TNS3: variants seen among roughly 807,000 people sequenced by gnomAD.
TNS3 encodes the protein tensin 3, also known as tensin-3.
In TNS3, 45 loss-of-function variants were observed where a neutral mutation model predicts 140.9. The ratio of observed to expected loss-of-function variants is 0.32; its 90% CI spans 0.25 to 0.41. The LOEUF is 0.41. Among genes scored for constraint, TNS3 ranks in the 10% least tolerant of loss-of-function variants. The pLI is 1.00. For synonymous variants in TNS3, 815 were observed against 788.4 expected, an observed-to-expected ratio of 1.03 and a Z score of -0.56; for missense variants, 1,716 against 1,906.7, an observed-to-expected ratio of 0.90 and a Z score of 1.86.
intron 20 of TNS3, among the ~76,000 whole-genome samples, chr7:47,318,294 T>C (rs1285125791): frequency 3.9e-5 from 6 of 152,240 alleles, no homozygotes; most frequent in Non-Finnish European, 7.3e-5. Flanking sequence ...AATATTCCAC[T>C]GCATGCATAG....
chr7:47,472,595 C>A (rs1797000865), intron 4 of TNS3, among the ~76,000 whole-genome samples: 1 of 152,198 alleles, frequency 6.6e-6, no homozygotes, highest in Admixed American at 6.5e-5. Flanking sequence ...TCCCTACACA[C>A]AGGCCTTATG....
chr7:47,469,849 G>A (rs4724582), intron 4 of TNS3, among the ~76,000 whole-genome samples: 71,560 of 151,394 alleles, frequency 0.47, 18,205 homozygotes, highest in East Asian at 0.67. Flanking sequence ...TGGCAGGTGC[G>A]TGTAATCCAA....
At chr7:47,381,083 T>C (rs1251573144) in intron 16 of TNS3, among the ~76,000 whole-genome samples, 6 of 152,178 alleles carry the variant, frequency 3.9e-5, no homozygotes, top group Admixed American at 2.6e-4. Context: ...GGCTGAAAGG[T>C]GGAGAAAGAA....
At chr7:47,459,339 C>T (rs973855234) in intron 4 of TNS3, among the ~76,000 whole-genome samples, 2 of 152,194 alleles carry the variant, frequency 1.3e-5, no homozygotes, top group Admixed American at 1.3e-4. Context: ...AGGAAACATA[C>T]AAAACATGAA....
At chr7:47,363,022 C>CT (rs1399770326) in intron 17 of TNS3, among the ~76,000 whole-genome samples, 4 of 34,580 alleles carry the variant, frequency 1.2e-4, no homozygotes, top group Non-Finnish European at 2.1e-4. Context: ...TCATCAGGGT[C>CT]ATCACCATCA....
In TNS3 at chr7:47,397,669, G is replaced by A. The variant is rs191161047; in HGVS notation, c.920-765C>T. Among the ~76,000 whole-genome samples the A allele has an allele frequency of 2.7e-3, 414 of 152,274 alleles. 9 individuals are homozygous for A. The highest frequency in any genetic ancestry group is 0.025 in the Admixed American group (384 of 15,296). The stretch of plus-strand genomic sequence containing the variant: ...AGTGACACAAGTTATCAAAACCTCT[G>A]GGATACAGCAAAGCAAGTGTTAAGA... On this transcript the variant is annotated intron_variant, in intron 15 of 30. Transcript: ENST00000311160.
intron 22 of TNS3, 36 bp from the exon 23 acceptor site, chr7:47,302,308 G>A (rs371206305): frequency 1.5e-5 from 23 of 1,550,210 alleles, no homozygotes; most frequent in Non-Finnish European, 1.9e-5. Context: ...GACCATGATG[G>A]GCACTTTTCT....
intron 17 of TNS3, among the ~76,000 whole-genome samples, chr7:47,357,379 C>G (rs1430285389): frequency 6.6e-6 from 1 of 152,120 alleles, no homozygotes; most frequent in African/African-American, 2.4e-5. Flanking sequence ...GACTTCAGCT[C>G]ATTCACACAC....
chr7:47,358,632 G>T (rs73109067), intron 17 of TNS3, among the ~76,000 whole-genome samples: 3 of 152,176 alleles, frequency 2.0e-5, no homozygotes, highest in African/African-American at 7.2e-5. Flanking sequence ...GTGCTCTCGG[G>T]AGTGTCGGCA....
chr7:47,554,099 C>T (rs1183985019), intron 1 of TNS3, among the ~76,000 whole-genome samples: 2 of 151,082 alleles, frequency 1.3e-5, no homozygotes, highest in Non-Finnish European at 3.0e-5. Context: ...GCCACTGTGC[C>T]TGGCCCTCAA....
chr7:47,375,349 T>C (rs1249193789), intron 16 of TNS3, among the ~76,000 whole-genome samples: 1 of 152,226 alleles, frequency 6.6e-6, no homozygotes, highest in Non-Finnish European at 1.5e-5. Context: ...TGGCAACGAT[T>C]TCCTGGTGGC....
In TNS3 at chr7:47,292,026, A is replaced by C; in HGVS notation, c.3857T>G (p.Leu1286Trp). ...GGGAGAACTTTCTGCTATTTCCTCC[A>C]ATGGATCTGTAGGAAGGGGCAAGAA... ...CKLLIPERDPLEEIAESSPQT... is the reference protein window; with the variant it reads ...CKLLIPERDPWEEIAESSPQT... Residue 1286 changes from leucine to tryptophan, a missense_variant, in exon 27 of 31, where the codon TTG (leucine) becomes TGG (tryptophan). Leu to Trp is a moderately conservative substitution (Grantham distance 61). Transcript: ENST00000311160. The C allele has an allele frequency of 6.2e-7, 1 of 1,614,100 alleles. No homozygotes were observed. The highest frequency in any genetic ancestry group is 8.5e-7 in the Non-Finnish European group (1 of 1,179,984).
At chr7:47,398,505 A>C (rs949979511) in intron 15 of TNS3, among the ~76,000 whole-genome samples, 2 of 152,200 alleles carry the variant, frequency 1.3e-5, no homozygotes, top group Non-Finnish European at 2.9e-5. Context: ...CCCAGGAAGC[A>C]GGGGTGATTT....
Position 47,506,955 on chromosome 7 carries a change from A to T in TNS3, c.-152-11T>A. On this transcript the variant is annotated splice_polypyrimidine_tract_variant and intron_variant, in intron 2 of 30. Transcript: ENST00000311160. ...AGGAATACTTGCAGGCTGGGAAAAA[A>T]AAAAAGAGAAAGAATGTGTGTCAAG... The T allele has an allele frequency of 1.6e-6, 2 of 1,288,616 alleles. No homozygotes were observed. The highest frequency in any genetic ancestry group is 2.0e-6 in the Non-Finnish European group (2 of 988,242). 79.8% of individuals were successfully genotyped at this position (1,288,616 alleles called of 1,614,324 possible).
chr7:47,441,991 A>G lies in TNS3; in HGVS notation c.-23+12T>C. ...AGAGACACAGGAATGCATGACCCAC[A>G]CAGACACTCACCGCAGAGGTTTATC... On this transcript the variant is annotated intron_variant, in intron 5 of 30. Transcript: ENST00000311160. 1.6e-6 allele frequency: 2 copies of G among 1,290,270 alleles called. No homozygotes were observed. The highest frequency in any genetic ancestry group is 2.0e-6 in the Non-Finnish European group (2 of 988,888). The allele number at this position is 1,290,270 out of a possible 1,614,324, so 79.9% of individuals were successfully genotyped here.
At chr7:47,359,055 C>T (rs1361904317) in intron 17 of TNS3, among the ~76,000 whole-genome samples, 1 of 152,172 alleles carries the variant, frequency 6.6e-6, no homozygotes, top group Non-Finnish European at 1.5e-5. Context: ...ACGCCCCAAA[C>T]AACTGAAAGC....
At chr7:47,358,015 C>T (rs1447641821) in intron 17 of TNS3, among the ~76,000 whole-genome samples, 1 of 152,192 alleles carries the variant, frequency 6.6e-6, no homozygotes, top group Non-Finnish European at 1.5e-5. Flanking sequence ...TCACACACTG[C>T]CCCGCCCCAA....
intron 16 of TNS3, among the ~76,000 whole-genome samples, chr7:47,388,183 C>CA (rs766294896): frequency 2.0e-5 from 3 of 152,242 alleles, no homozygotes; most frequent in East Asian, 3.9e-4. Context: ...GGGGTGGCAG[C>CA]AAGGGCCTTG....
At chr7:47,481,787 C>T in intron 3 of TNS3, 1 of 790,316 alleles carries the variant, frequency 1.3e-6, no homozygotes, top group Non-Finnish European at 1.5e-6. Flanking sequence ...TCAGGAGAGG[C>T]AGTTAGTAAC....
Sources: allele counts gnomAD v4.1 joint callset (sites outside exome capture counted in the v4.1 genomes callset), GRCh38; gene constraint gnomAD v4.1.1; transcripts MANE v1.5; gene names NCBI Gene and HGNC (gene_info 2026-07-23, HGNC 2026-07-21).